CCDC178: variants seen among roughly 807,000 people sequenced by gnomAD.
The protein encoded by CCDC178 is coiled-coil domain-containing protein 178.
In CCDC178, 126 loss-of-function variants were observed where a neutral mutation model predicts 117.4. The observed-to-expected ratio is 1.07, with a 90% CI of 0.93 to 1.24. The LOEUF (loss-of-function observed/expected upper bound fraction) is 1.24, where lower values mean the gene tolerates loss of function less well. CCDC178 is among the 50% of genes most tolerant of loss of function. The pLI is 0.00. For missense variants in CCDC178, 1,030 were observed against 986.9 expected (o/e 1.04, Z -0.59); for synonymous variants, 283 against 313.4 (o/e 0.90, Z 1.02).
rs768011489 is a variant in CCDC178 at position 33,267,287 on chromosome 18, A to G, written c.1187T>C (p.Leu396Ser). 39 of 1,590,304 alleles carry G rather than the reference A, an allele frequency of 2.5e-5. No homozygotes were observed. The highest frequency in any genetic ancestry group is 3.2e-5 in the Non-Finnish European group (37 of 1,170,248). The change falls in exon 13 of 23, where the codon TTG becomes TCG. Residue 396 changes from leucine (L) to serine (S), a missense_variant. Transcript: ENST00000383096. ...GGTTAGTTGGTCATAAACTCTTCTCAAATCTTCCAGCTAAGAAAGAAGATA... is the reference window on the plus strand; with the variant it reads ...GGTTAGTTGGTCATAAACTCTTCTCGAATCTTCCAGCTAAGAAAGAAGATA... ...LHSLSKMLED[L>S]RRVYDQLTWK...
At chr18:33,013,190 G>A (rs2055909000) in intron 21 of CCDC178, among the ~76,000 whole-genome samples, 1 of 152,072 alleles carries the variant, frequency 6.6e-6, no homozygotes, top group African/African-American at 2.4e-5. Flanking sequence ...TTTGAAAAAT[G>A]AGACAAATTT....
intron 21 of CCDC178, among the ~76,000 whole-genome samples, chr18:33,079,555 T>C (rs1043847704): frequency 3.9e-5 from 6 of 152,010 alleles, no homozygotes; most frequent in Admixed American, 2.0e-4. Context: ...ATCCAGTGTC[T>C]GTAAGGAACT....
chr18:33,113,381 A>C (rs1182616297), intron 20 of CCDC178, among the ~76,000 whole-genome samples: 4 of 152,040 alleles, frequency 2.6e-5, no homozygotes, highest in Non-Finnish European at 5.9e-5. Context: ...CTTGTGTCAT[A>C]ACATTCCTTA....
chr18:33,247,589 C>T (rs2059566277), intron 14 of CCDC178, among the ~76,000 whole-genome samples: 1 of 151,796 alleles, frequency 6.6e-6, no homozygotes, highest in East Asian at 1.9e-4. Context: ...TGTGCAAGCA[C>T]ACACAATATA....
At chr18:32,944,990 C>A (rs2054314227) in intron 22 of CCDC178, among the ~76,000 whole-genome samples, 1 of 152,016 alleles carries the variant, frequency 6.6e-6, no homozygotes, top group African/African-American at 2.4e-5. Context: ...TATAAATTAC[C>A]CAGTTTGGGG....
intron 14 of CCDC178, among the ~76,000 whole-genome samples, chr18:33,265,302 A>T (rs2059798757): frequency 6.6e-6 from 1 of 152,108 alleles, no homozygotes; most frequent in Non-Finnish European, 1.5e-5. Context: ...GCAAAGGAAA[A>T]GTAGTCATGA....
At chr18:32,989,545 T>C (rs2055343541) in intron 21 of CCDC178, among the ~76,000 whole-genome samples, 2 of 152,196 alleles carry the variant, frequency 1.3e-5, no homozygotes, top group Non-Finnish European at 2.9e-5. Flanking sequence ...CTCAACTTTA[T>C]TGATTTAGCT....
chr18:33,282,635 C>G (rs2060039148), intron 12 of CCDC178, among the ~76,000 whole-genome samples: 1 of 152,170 alleles, frequency 6.6e-6, no homozygotes, highest in South Asian at 2.1e-4. Context: ...CCCACATGCT[C>G]TCTCTCCATA....
intron 18 of CCDC178, among the ~76,000 whole-genome samples, chr18:33,222,807 G>A (rs1380778612): frequency 6.6e-6 from 1 of 151,362 alleles, no homozygotes; most frequent in Non-Finnish European, 1.5e-5. Flanking sequence ...GAGACAGCAT[G>A]GCCATCACAG....
chr18:33,227,017 G>A lies in CCDC178; in HGVS notation c.1594-162C>T, dbSNP rs529855944. Among the ~76,000 whole-genome samples, 14 of 148,808 alleles carry A rather than the reference G, an allele frequency of 9.4e-5. No homozygotes were observed. The South Asian group carries it at 2.5e-3, about 27-fold the overall frequency. On this transcript the variant is annotated intron_variant, in intron 15 of 22. Coordinates refer to ENST00000383096, the MANE Select transcript of CCDC178 (RefSeq NM_001105528.4). ...TATTTTTAAAATCCTGGTGTTTTTCGAGGTAAAGTAATTAAGTGGTACAGC... is the reference window on the plus strand; with the variant it reads ...TATTTTTAAAATCCTGGTGTTTTTCAAGGTAAAGTAATTAAGTGGTACAGC...
intron 20 of CCDC178, among the ~76,000 whole-genome samples, chr18:33,205,564 T>C (rs1385298686): frequency 1.3e-5 from 2 of 152,216 alleles, no homozygotes; most frequent in Non-Finnish European, 2.9e-5. Context: ...ACACCATGAA[T>C]AGTCTATGAC....
intron 4 of CCDC178, among the ~76,000 whole-genome samples, chr18:33,393,395 C>T (rs1040199776): frequency 6.6e-5 from 10 of 151,932 alleles, no homozygotes; most frequent in African/African-American, 2.2e-4. Flanking sequence ...GAAGAAAATG[C>T]CACCTTAAAT....
At chr18:33,196,404 C>T (rs895300004) in intron 20 of CCDC178, among the ~76,000 whole-genome samples, 1 of 152,134 alleles carries the variant, frequency 6.6e-6, no homozygotes, top group African/African-American at 2.4e-5. Context: ...TTCCTGGACT[C>T]GGTGCTATAT....
intron 20 of CCDC178, among the ~76,000 whole-genome samples, chr18:33,200,262 C>G (rs1046366043): frequency 2.0e-5 from 3 of 152,190 alleles, no homozygotes; most frequent in Non-Finnish European, 4.4e-5. Flanking sequence ...ATGGGAGAGG[C>G]TTCTAAGCCT....
intron 20 of CCDC178, among the ~76,000 whole-genome samples, chr18:33,165,085 T>C (rs1230242229): frequency 6.6e-6 from 1 of 152,212 alleles, no homozygotes; most frequent in African/African-American, 2.4e-5. Context: ...CGTCAAGCTC[T>C]CAATAGCACG....
At chr18:33,237,275 C>T (rs1248646113) in intron 15 of CCDC178, among the ~76,000 whole-genome samples, 1 of 152,144 alleles carries the variant, frequency 6.6e-6, no homozygotes, top group Non-Finnish European at 1.5e-5. Flanking sequence ...TGGAAACCAA[C>T]CCCTCCACCC....
rs28416568 is a variant in CCDC178, at chr18:33,245,148, C to G, written c.1593+97G>C. ...TGAGTTTTTGAAAAGACTGTTAATCCTTAAATTAAAATCTAATTATCAAGA... is the reference window on the plus strand; with the variant it reads ...TGAGTTTTTGAAAAGACTGTTAATCGTTAAATTAAAATCTAATTATCAAGA... On this transcript the variant is annotated intron_variant, in intron 15 of 22. Transcript: ENST00000383096. 1,138 of 1,167,984 alleles carry G rather than the reference C, an allele frequency of 9.7e-4. 2 individuals carry two copies. Among genetic ancestry groups the G allele is most frequent in the Middle Eastern group, 8.9e-3 (36 of 4,056 alleles). 72.4% of individuals were successfully genotyped at this position (1,167,984 alleles called of 1,614,324 possible).
chr18:33,155,666 A>C (rs950748921), intron 20 of CCDC178, among the ~76,000 whole-genome samples: 100 of 152,292 alleles, frequency 6.6e-4, no homozygotes, highest in African/African-American at 2.1e-3. Flanking sequence ...TTTTTTGTCA[A>C]ACACTTCTTC....
At chr18:33,340,972 G>T (rs2062809841) in intron 9 of CCDC178, among the ~76,000 whole-genome samples, 1 of 152,156 alleles carries the variant, frequency 6.6e-6, no homozygotes, top group African/African-American at 2.4e-5. Context: ...ATCCTCCAGA[G>T]TCCAGAATGG....
Sources: gnomAD v4.1 joint callset for allele counts (sites outside exome capture counted in the v4.1 genomes callset) on GRCh38, gnomAD v4.1.1 for gene constraint, MANE v1.5 for transcripts, NCBI Gene and HGNC (gene_info 2026-07-23, HGNC 2026-07-21) for gene names.